The following SLFN12L variants were observed in gnomAD, a reference collection of about 807,000 sequenced individuals.
The protein encoded by SLFN12L is schlafen family member 12 like.
In SLFN12L, 34 loss-of-function variants were observed where a neutral mutation model predicts 34.8. That is an observed-to-expected ratio of 0.98 (90% confidence interval 0.74 to 1.30). SLFN12L has a LOEUF of 1.30. Among genes scored for constraint, SLFN12L ranks in the 50% most tolerant of loss-of-function variants. The pLI is 0.00. For missense variants in SLFN12L, 703 were observed against 696.2 expected (o/e 1.01, Z -0.11); for synonymous variants, 259 against 247.5 (o/e 1.05, Z -0.44).
intron 2 of SLFN12L, among the ~76,000 whole-genome samples, chr17:35,517,280 A>T (rs12103673): frequency 0.051 from 7,781 of 152,270 alleles, 330 homozygotes; most frequent in African/African-American, 0.12. Context: ...GAGCCAAATC[A>T]TGAGTGAACT....
chr17:35,487,656 T>G, intron 2 of SLFN12L: 1 of 1,475,998 alleles, frequency 6.8e-7, no homozygotes, highest in South Asian at 1.2e-5. Context: ...GGAGAAGTTC[T>G]CGTTTCGTCT....
chr17:35,536,946 T>G (rs1323697147), intron 1 of SLFN12L, among the ~76,000 whole-genome samples: 2 of 151,604 alleles, frequency 1.3e-5, no homozygotes, highest in Non-Finnish European at 2.9e-5. Flanking sequence ...GAGGCCAAGG[T>G]GGGACGATTA....
rs2072474730 is a variant in SLFN12L at position 35,537,615 on chromosome 17, A to T, written c.-648T>A. ...TCCACAGGGTTGAGATGCTGAAAAG[A>T]TGAGAAAGTTCCAGGAGCTCTGATC... On this transcript the variant is annotated 5_prime_UTR_variant, in exon 1 of 5. Coordinates refer to ENST00000628453, the MANE Select transcript of SLFN12L (RefSeq NM_001363830.2). 1 of 152,364 alleles carries T rather than the reference A, an allele frequency of 6.6e-6. No individual in the cohort carries two copies. The highest frequency in any genetic ancestry group is 1.5e-5 in the Non-Finnish European group (1 of 68,070). The allele number at this position is 152,364 out of a possible 1,614,324, so 9.4% of individuals were successfully genotyped here. A position where few individuals can be genotyped will look rare whatever the true frequency, so the allele number is the denominator to read the frequency against.
At chr17:35,510,181 A>G (rs1915593524) in intron 2 of SLFN12L, 1 of 152,276 alleles carries the variant, frequency 6.6e-6, no homozygotes, top group Non-Finnish European at 1.5e-5. Context: ...AATAACTATT[A>G]CATAAATCAG....
chr17:35,495,620 C>T (rs1176205426), intron 2 of SLFN12L, among the ~76,000 whole-genome samples: 1 of 152,050 alleles, frequency 6.6e-6, no homozygotes, highest in African/African-American at 2.4e-5. Flanking sequence ...CTTTGGCTCT[C>T]CCCGGGGTGG....
At chr17:35,486,257 C>T (rs1013533971) in intron 2 of SLFN12L, among the ~76,000 whole-genome samples, 19 of 152,330 alleles carry the variant, frequency 1.2e-4, no homozygotes, top group African/African-American at 4.6e-4. Context: ...TTCTTGCAGC[C>T]TCTGTAACTG....
chr17:35,506,711 C>T (rs1261848620), intron 2 of SLFN12L, among the ~76,000 whole-genome samples: 1 of 152,186 alleles, frequency 6.6e-6, no homozygotes, highest in Non-Finnish European at 1.5e-5. Flanking sequence ...AATGTCACTT[C>T]ATGTTATGTA....
chr17:35,503,490 G>T (rs1306643799), intron 2 of SLFN12L, among the ~76,000 whole-genome samples: 1 of 152,118 alleles, frequency 6.6e-6, no homozygotes, highest in Admixed American at 6.5e-5. Flanking sequence ...ATATAAAGGT[G>T]AAATTTAGCT....
chr17:35,524,634 C>G (rs963659354), intron 1 of SLFN12L, among the ~76,000 whole-genome samples: 3 of 152,188 alleles, frequency 2.0e-5, no homozygotes, highest in Non-Finnish European at 4.4e-5. Flanking sequence ...GCAGAGGGGC[C>G]TGACTGTTAG....
intron 2 of SLFN12L, among the ~76,000 whole-genome samples, chr17:35,495,338 G>GC (rs904108593): frequency 7.2e-5 from 11 of 152,324 alleles, no homozygotes; most frequent in African/African-American, 2.6e-4. Flanking sequence ...TGTCTTAAGT[G>GC]CCGTGATGGT....
chr17:35,500,778 A>G (rs1915268037), intron 2 of SLFN12L, among the ~76,000 whole-genome samples: 1 of 151,888 alleles, frequency 6.6e-6, no homozygotes, highest in Admixed American at 6.6e-5. Flanking sequence ...TTTTATCTAT[A>G]GATTCCAGAC....
chr17:35,520,446 A>G (rs1304429526), intron 2 of SLFN12L, among the ~76,000 whole-genome samples: 1 of 152,238 alleles, frequency 6.6e-6, no homozygotes, highest in Non-Finnish European at 1.5e-5. Context: ...TAATAATTAT[A>G]AAGTTTAGTC....
intron 2 of SLFN12L, among the ~76,000 whole-genome samples, chr17:35,506,950 A>G (rs1171339772): frequency 1.3e-5 from 2 of 152,218 alleles, no homozygotes; most frequent in Admixed American, 1.3e-4. Flanking sequence ...TAGTACTACA[A>G]AAACAGCCAC....
At chr17:35,535,962 A>AGTTT (rs111617647) in intron 1 of SLFN12L, among the ~76,000 whole-genome samples, 10,952 of 149,602 alleles carry the variant, frequency 0.073, 471 homozygotes, top group Non-Finnish European at 0.1. Flanking sequence ...GGCCCTGGCT[A>AGTTT]GTTTGTTTGT....
chr17:35,498,208 G>T, intron 2 of SLFN12L: 2 of 744,054 alleles, frequency 2.7e-6, no homozygotes, highest in Non-Finnish European at 4.9e-6. Flanking sequence ...CGCCTGGGAT[G>T]TTCAGTCATG....
intron 2 of SLFN12L, chr17:35,499,927 A>G (rs1167158040): frequency 6.4e-6 from 1 of 156,660 alleles, no homozygotes; most frequent in African/African-American, 2.4e-5. Flanking sequence ...AACTTCACAG[A>G]GTTAACTTTC....
intron 2 of SLFN12L, among the ~76,000 whole-genome samples, chr17:35,515,540 C>T (rs1488543840): frequency 6.6e-6 from 1 of 151,996 alleles, no homozygotes; most frequent in African/African-American, 2.4e-5. Flanking sequence ...GTGATCTCAA[C>T]TCACTGCCAC....
At chr17:35,530,509 A>AAATT (rs2072396870) in intron 1 of SLFN12L, among the ~76,000 whole-genome samples, 1 of 23,932 alleles carries the variant, frequency 4.2e-5, no homozygotes, top group African/African-American at 1.2e-4. Flanking sequence ...AGAAAGAAAG[A>AAATT]AAGAAAAGAA....
rs1299389717 is a variant in SLFN12L, at chr17:35,486,090, G to A, written c.87-5895C>T. Among the ~76,000 whole-genome samples the A allele has an allele frequency of 2.6e-5, 4 of 152,192 alleles. No individual in the cohort carries two copies. In the East Asian group the frequency reaches 7.7e-4, roughly 29 times the overall value. On this transcript the variant is annotated intron_variant, in intron 2 of 4. Transcript: ENST00000628453. ...AGCATTGAATCTGTAGATTGTTTTG[G>A]GGAGTGTGAACATTTTAATGATACT...
Sources: allele counts gnomAD v4.1 joint callset (sites outside exome capture counted in the v4.1 genomes callset), GRCh38; gene constraint gnomAD v4.1.1; transcripts MANE v1.5; gene names NCBI Gene and HGNC (gene_info 2026-07-23, HGNC 2026-07-21).